SFMBT2: variants seen among roughly 807,000 people sequenced by gnomAD.
SFMBT2 encodes the protein scm-like with four MBT domains protein 2.
In SFMBT2, 38 loss-of-function variants were observed where a neutral mutation model predicts 110.1. The ratio of observed to expected loss-of-function variants is 0.35; its 90% CI spans 0.27 to 0.45. The LOEUF (loss-of-function observed/expected upper bound fraction) is 0.45, where lower values mean the gene tolerates loss of function less well. Among genes scored for constraint, SFMBT2 ranks in the 20% least tolerant of loss-of-function variants. The pLI, the probability that SFMBT2 is intolerant of heterozygous loss-of-function variation, is 1.00. For missense variants in SFMBT2, 1,011 were observed against 1,094.9 expected (o/e 0.92, Z 1.08); for synonymous variants, 425 against 425.4 (o/e 1.00, Z 0.01).
intron 9 of SFMBT2, among the ~76,000 whole-genome samples, chr10:7,229,434 C>T (rs556412177): frequency 9.9e-5 from 15 of 151,780 alleles, no homozygotes; most frequent in Admixed American, 5.9e-4. Flanking sequence ...CAAAAATTAG[C>T]CAGGTGTGGT....
chr10:7,401,481 T>C (rs551892970), intron 1 of SFMBT2, among the ~76,000 whole-genome samples: 1 of 152,312 alleles, frequency 6.6e-6, no homozygotes, highest in East Asian at 1.9e-4. Flanking sequence ...AGAACAATTA[T>C]GATTAAAGTA....
chr10:7,195,848 A>C (rs1382424935), intron 15 of SFMBT2, among the ~76,000 whole-genome samples: 1 of 152,184 alleles, frequency 6.6e-6, no homozygotes, highest in Non-Finnish European at 1.5e-5. Flanking sequence ...CATCGACTGG[A>C]CGCTCATGTG....
At chr10:7,219,040 C>A (rs2131644354) in intron 11 of SFMBT2, among the ~76,000 whole-genome samples, 1 of 152,254 alleles carries the variant, frequency 6.6e-6, no homozygotes, top group Middle Eastern at 3.4e-3. Context: ...TTTAACTTGA[C>A]CATTTTTGTT....
At chr10:7,273,338 T>C (rs1305928728) in intron 7 of SFMBT2, among the ~76,000 whole-genome samples, 12 of 152,204 alleles carry the variant, frequency 7.9e-5, no homozygotes, top group Admixed American at 2.6e-4. Flanking sequence ...TGGGTCCTAC[T>C]CCTGGTCCAG....
At chr10:7,257,525 T>C (rs985167108) in intron 7 of SFMBT2, among the ~76,000 whole-genome samples, 1 of 152,176 alleles carries the variant, frequency 6.6e-6, no homozygotes, top group Non-Finnish European at 1.5e-5. Context: ...ACAGCAAAGT[T>C]CTTTATAAAA....
intron 15 of SFMBT2, among the ~76,000 whole-genome samples, chr10:7,192,430 G>A (rs1360857617): frequency 6.6e-6 from 1 of 152,176 alleles, no homozygotes; most frequent in Non-Finnish European, 1.5e-5. Context: ...CCAAGTCTAT[G>A]AACACTGAAG....
intron 4 of SFMBT2, among the ~76,000 whole-genome samples, chr10:7,366,423 T>A: frequency 4.1e-5 from 5 of 121,328 alleles, no homozygotes; most frequent in Admixed American, 8.6e-5. Flanking sequence ...AAAAACAATA[T>A]ATCATAACAA....
intron 15 of SFMBT2, chr10:7,189,104 T>C: frequency 2.1e-6 from 2 of 954,958 alleles, no homozygotes; most frequent in Non-Finnish European, 1.2e-6. Flanking sequence ...GAGAATTTCA[T>C]TCTATTTTTA....
intron 4 of SFMBT2, among the ~76,000 whole-genome samples, chr10:7,340,811 TAA>T (rs71382100): frequency 0.045 from 5,766 of 129,158 alleles, 127 homozygotes; most frequent in Non-Finnish European, 0.06. Flanking sequence ...GTCATTGACT[TAA>T]AAAAAAAAAA....
chr10:7,407,218 A>G, intron 1 of SFMBT2, among the ~76,000 whole-genome samples: 1 of 86,736 alleles, frequency 1.2e-5, no homozygotes, highest in East Asian at 3.4e-4. Context: ...CCCCTCCCCC[A>G]CCCCACTTAC....
chr10:7,393,952 A>G (rs1217515919), intron 1 of SFMBT2, among the ~76,000 whole-genome samples: 2 of 152,164 alleles, frequency 1.3e-5, no homozygotes, highest in Non-Finnish European at 2.9e-5. Flanking sequence ...TGGGTCGCTG[A>G]TACACAGCCA....
At chr10:7,371,203 A>C (rs1284413407) in intron 2 of SFMBT2, among the ~76,000 whole-genome samples, 1 of 152,024 alleles carries the variant, frequency 6.6e-6, no homozygotes. Context: ...GGCTCACTAC[A>C]ACCTCCACCT....
chr10:7,371,040 A>G (rs1468037027), intron 2 of SFMBT2, among the ~76,000 whole-genome samples: 1 of 152,220 alleles, frequency 6.6e-6, no homozygotes, highest in Non-Finnish European at 1.5e-5. Context: ...GTGTTTCTCC[A>G]ACCACAAGGA....
chr10:7,287,077 C>CTT (rs761728311), intron 4 of SFMBT2, among the ~76,000 whole-genome samples: 43,555 of 99,584 alleles, frequency 0.44, 10,985 homozygotes, highest in East Asian at 0.66. Context: ...TTTGAGGCAT[C>CTT]TTTTTTTTTT....
intron 9 of SFMBT2, among the ~76,000 whole-genome samples, chr10:7,230,450 A>G (rs1473686786): frequency 3.9e-5 from 6 of 152,200 alleles, no homozygotes; most frequent in African/African-American, 1.4e-4. Context: ...TCAAAGCCTC[A>G]TATTACTGTA....
At chr10:7,265,712 C>T (rs1477451868) in intron 7 of SFMBT2, among the ~76,000 whole-genome samples, 1 of 152,200 alleles carries the variant, frequency 6.6e-6, no homozygotes, top group African/African-American at 2.4e-5. Context: ...TTATTCAGAA[C>T]TACTCACAGG....
chr10:7,291,728 C>T (rs1407678216), intron 4 of SFMBT2, among the ~76,000 whole-genome samples: 3 of 152,186 alleles, frequency 2.0e-5, no homozygotes, highest in Non-Finnish European at 1.5e-5. Context: ...TCTAAGAAGC[C>T]GCCTTCCAAA....
chr10:7,183,265 C>T (rs1381161950), intron 16 of SFMBT2, among the ~76,000 whole-genome samples: 1 of 152,126 alleles, frequency 6.6e-6, no homozygotes, highest in Non-Finnish European at 1.5e-5. Flanking sequence ...CCTTGCCATC[C>T]CAGCACCTCT....
At chr10:7,224,208 T>C (rs1839835726) in intron 10 of SFMBT2, among the ~76,000 whole-genome samples, 1 of 152,214 alleles carries the variant, frequency 6.6e-6, no homozygotes, top group Non-Finnish European at 1.5e-5. Context: ...AACTTTTCTA[T>C]TTTATCAAGC....
Sources: allele counts gnomAD v4.1 joint callset (sites outside exome capture counted in the v4.1 genomes callset), GRCh38; gene constraint gnomAD v4.1.1; transcripts MANE v1.5; gene names NCBI Gene and HGNC (gene_info 2026-07-23, HGNC 2026-07-21).